The following CADM2 variants were observed in gnomAD, a reference collection of about 807,000 sequenced individuals.
The protein encoded by CADM2 is immunoglobulin superfamily member 4D.
CADM2 carries 12 observed loss-of-function variants against 49.8 expected under a neutral mutation model. The observed-to-expected ratio is 0.24, with a 90% CI of 0.15 to 0.39. The LOEUF is 0.39. CADM2 is among the 10% of genes least tolerant of loss of function. The pLI is 1.00. For missense variants in CADM2, 378 were observed against 492.3 expected (o/e 0.77, Z 2.20); for synonymous variants, 214 against 175.4 (o/e 1.22, Z -1.74).
chr3:85,362,715 A>G (rs192095013), intron 1 of CADM2, among the ~76,000 whole-genome samples: 1 of 152,260 alleles, frequency 6.6e-6, no homozygotes, highest in African/African-American at 2.4e-5. Context: ...GGTAGATTGG[A>G]ACTTTATTCT....
At position 84,984,356 on chromosome 3, in the gene CADM2, TAAAAAAAA is replaced by T. The variant is rs375702349; in HGVS notation, c.61+24710_61+24717del. ...CCTCATAGCCACCTCAAGATTAAGC[TAAAAAAAA>T]AAAAAAAAAAAAAAAAAAAAACACT... On this transcript the variant is annotated intron_variant, in intron 1 of 9. Transcript: ENST00000383699. Among the ~76,000 whole-genome samples the T allele has an allele frequency of 5.1e-3, 341 of 67,066 alleles. 4 individuals are homozygous for T. Among genetic ancestry groups the T allele is most frequent in the African/African-American group, 0.024 (323 of 13,334 alleles). 44.0% of individuals were successfully genotyped at this position (67,066 alleles called of 152,430 possible).
At chr3:85,832,434 C>A (rs1266278626) in intron 3 of CADM2, among the ~76,000 whole-genome samples, 1 of 151,950 alleles carries the variant, frequency 6.6e-6, no homozygotes, top group Non-Finnish European at 1.5e-5. Context: ...AATATTGATT[C>A]TTCCAATTCA....
At chr3:85,401,177 G>T (rs1206075739) in intron 1 of CADM2, among the ~76,000 whole-genome samples, 1 of 152,116 alleles carries the variant, frequency 6.6e-6, no homozygotes, top group South Asian at 2.1e-4. Context: ...CTCATGGGGG[G>T]ACCTGCAGCT....
intron 1 of CADM2, among the ~76,000 whole-genome samples, chr3:85,329,529 G>T (rs566663460): frequency 2.6e-5 from 4 of 151,650 alleles, no homozygotes; most frequent in Admixed American, 6.6e-5. Context: ...GAGATTGCAC[G>T]GAGCCGAGAT....
chr3:85,311,799 A>G lies in CADM2; in HGVS notation c.61+352131A>G, dbSNP rs1264603931. Among the ~76,000 whole-genome samples the G allele has an allele frequency of 3.3e-5, 5 of 152,342 alleles. No homozygotes were observed. The East Asian group carries it at 7.7e-4, about 23-fold the overall frequency. On this transcript the variant is annotated intron_variant, in intron 1 of 9. Coordinates refer to ENST00000383699, the MANE Select transcript of CADM2 (RefSeq NM_001167675.2). ...CACAACAAAACAAGATGGCAGATGC[A>G]TAATAGTCTATAGATTTGACCAAGT...
chr3:85,577,448 C>T (rs1258114151), intron 1 of CADM2, among the ~76,000 whole-genome samples: 1 of 152,102 alleles, frequency 6.6e-6, no homozygotes, highest in East Asian at 1.9e-4. Flanking sequence ...TGCTCTCTTG[C>T]CCTTCCTCCT....
intron 1 of CADM2, among the ~76,000 whole-genome samples, chr3:85,120,068 C>A (rs1281199193): frequency 6.6e-6 from 1 of 152,020 alleles, no homozygotes; most frequent in Non-Finnish European, 1.5e-5. Context: ...TATATGCGAC[C>A]AACAAACAAA....
intron 1 of CADM2, among the ~76,000 whole-genome samples, chr3:85,481,512 C>G (rs1191978592): frequency 1.3e-5 from 2 of 151,496 alleles, no homozygotes; most frequent in Non-Finnish European, 3.0e-5. Flanking sequence ...AACAGAAAAG[C>G]TGGAATGATT....
chr3:85,204,452 T>G (rs2107752538), intron 1 of CADM2, among the ~76,000 whole-genome samples: 1 of 152,296 alleles, frequency 6.6e-6, no homozygotes, highest in East Asian at 1.9e-4. Flanking sequence ...TATTTCGACC[T>G]TATTTACGTT....
intron 2 of CADM2, among the ~76,000 whole-genome samples, chr3:85,765,093 GTTGT>G (rs1315064634): frequency 6.6e-6 from 1 of 152,004 alleles, no homozygotes; most frequent in Admixed American, 6.6e-5. Flanking sequence ...TCCCTTCTTG[GTTGT>G]TTGATATGTG....
At chr3:85,883,582 A>AAAT in intron 4 of CADM2, 139 bp downstream of exon 4, 1 of 715,692 alleles carries the variant, frequency 1.4e-6, no homozygotes. Context: ...CTACATTTTA[A>AAAT]CACAGGCGTT....
intron 1 of CADM2, among the ~76,000 whole-genome samples, chr3:84,993,285 G>C (rs755558346): frequency 2.6e-5 from 4 of 152,126 alleles, no homozygotes; most frequent in Non-Finnish European, 4.4e-5. Context: ...GCCCATTACA[G>C]TGACAAAAGG....
At chr3:85,594,226 T>G (rs934653487) in intron 1 of CADM2, among the ~76,000 whole-genome samples, 1 of 152,012 alleles carries the variant, frequency 6.6e-6, no homozygotes, top group African/African-American at 2.4e-5. Flanking sequence ...TTCTTAAAGA[T>G]ACTACATTTG....
At chr3:85,373,050 C>T (rs1470871008) in intron 1 of CADM2, among the ~76,000 whole-genome samples, 1 of 152,126 alleles carries the variant, frequency 6.6e-6, no homozygotes, top group Non-Finnish European at 1.5e-5. Context: ...CATGTCTTCA[C>T]ATTTCAAAAC....
intron 1 of CADM2, among the ~76,000 whole-genome samples, chr3:85,395,235 C>G (rs1165583774): frequency 7.4e-6 from 1 of 135,686 alleles, no homozygotes; most frequent in African/African-American, 2.8e-5. Context: ...GAGGCTGAGG[C>G]TGAAGTGAGC....
chr3:85,018,314 G>T (rs2034338906), intron 1 of CADM2, among the ~76,000 whole-genome samples: 1 of 152,164 alleles, frequency 6.6e-6, no homozygotes, highest in East Asian at 1.9e-4. Context: ...TGGAGGAAAT[G>T]ATACTACTTG....
At chr3:85,501,727 T>G (rs994872535) in intron 1 of CADM2, among the ~76,000 whole-genome samples, 1 of 152,160 alleles carries the variant, frequency 6.6e-6, no homozygotes, top group African/African-American at 2.4e-5. Context: ...ACATATATAT[T>G]TGAATATGCA....
intron 8 of CADM2, among the ~76,000 whole-genome samples, chr3:85,983,012 A>C (rs1413190296): frequency 6.6e-6 from 1 of 151,756 alleles, no homozygotes; most frequent in East Asian, 1.9e-4. Context: ...TATTTTTAAT[A>C]AATGATCACA....
intron 1 of CADM2, among the ~76,000 whole-genome samples, chr3:85,617,344 T>C (rs1305038636): frequency 1.3e-5 from 2 of 152,130 alleles, no homozygotes; most frequent in African/African-American, 4.8e-5. Context: ...ACCAGTTTAT[T>C]ACAAAGATAT....
Sources: allele counts gnomAD v4.1 joint callset (sites outside exome capture counted in the v4.1 genomes callset), GRCh38; gene constraint gnomAD v4.1.1; transcripts MANE v1.5; gene names NCBI Gene and HGNC (gene_info 2026-07-23, HGNC 2026-07-21).